Variants in TBC1D5 observed in about 807,000 individuals in gnomAD.
TBC1D5 encodes the protein TBC1 domain family member 5.
Under a neutral mutation model 100.3 loss-of-function variants are expected in TBC1D5, and 75 were observed. That is an observed-to-expected ratio of 0.75 (90% CI 0.62 to 0.91). The LOEUF is 0.91. TBC1D5 is among the 40% of genes least tolerant of loss of function. The pLI is 0.00. For synonymous variants in TBC1D5, 323 were observed against 325.6 expected (o/e 0.99, Z 0.09); for missense variants, 910 against 942.4 (o/e 0.97, Z 0.45).
intron 15 of TBC1D5, among the ~76,000 whole-genome samples, chr3:17,268,718 A>G (rs537476566): frequency 4.6e-5 from 7 of 152,264 alleles, no homozygotes; most frequent in Admixed American, 1.3e-4. Flanking sequence ...TGAAGAAAAT[A>G]TAAATTTCAG....
At chr3:17,435,049 A>T (rs181188227) in intron 3 of TBC1D5, among the ~76,000 whole-genome samples, 25 of 152,318 alleles carry the variant, frequency 1.6e-4, no homozygotes, top group Admixed American at 5.9e-4. Context: ...CATCTGAGAC[A>T]ACCTCAGCCT....
chr3:17,563,888 T>G (rs1461396652), intron 2 of TBC1D5, among the ~76,000 whole-genome samples: 2 of 152,096 alleles, frequency 1.3e-5, no homozygotes, highest in East Asian at 3.9e-4. Flanking sequence ...CTTCACGCCA[T>G]TCTCCTGCCT....
At chr3:17,711,113 T>TA (rs1396396524) in intron 1 of TBC1D5, among the ~76,000 whole-genome samples, 4 of 152,186 alleles carry the variant, frequency 2.6e-5, no homozygotes, top group Non-Finnish European at 5.9e-5. Flanking sequence ...AAAATGATAC[T>TA]AGAGTTTGGC....
chr3:17,679,329 T>G (rs570946750), intron 1 of TBC1D5, among the ~76,000 whole-genome samples: 7 of 151,602 alleles, frequency 4.6e-5, no homozygotes, highest in Non-Finnish European at 8.8e-5. Flanking sequence ...TATAATAGAT[T>G]ATTGGAAACA....
intron 1 of TBC1D5, among the ~76,000 whole-genome samples, chr3:17,639,765 A>C (rs536691481): frequency 6.6e-6 from 1 of 152,118 alleles, no homozygotes; most frequent in Non-Finnish European, 1.5e-5. Context: ...AGACTACATC[A>C]AATCCTAGAC....
At chr3:17,600,263 T>C (rs1038165886) in intron 2 of TBC1D5, among the ~76,000 whole-genome samples, 1 of 152,148 alleles carries the variant, frequency 6.6e-6, no homozygotes, top group South Asian at 2.1e-4. Context: ...AGGTGATAGG[T>C]GTATATAAAC....
chr3:17,728,488 T>C (rs186913477), intron 1 of TBC1D5, among the ~76,000 whole-genome samples: 164 of 152,300 alleles, frequency 1.1e-3, no homozygotes, highest in Non-Finnish European at 1.7e-3. Context: ...GATATTATAA[T>C]GTACTAAGAG....
Position 17,210,190 on chromosome 3 carries a change from CTT to C in TBC1D5, c.1752+4015_1752+4016del, listed in dbSNP as rs756903375. ...GGTTAGAAGTAATTTTTTTTCAGAA[CTT>C]TTTTTTTTTTTTTGAGACGGATTCT... On this transcript the variant is annotated intron_variant, in intron 18 of 21. Transcript: ENST00000253692. Among the ~76,000 whole-genome samples the C allele has an allele frequency of 9.5e-3, 1,394 of 146,944 alleles. 22 individuals carry two copies. The highest frequency in any genetic ancestry group is 0.032 in the African/African-American group (1,302 of 40,278).
At chr3:17,221,430 C>G (rs1257355469) in intron 17 of TBC1D5, among the ~76,000 whole-genome samples, 1 of 152,110 alleles carries the variant, frequency 6.6e-6, no homozygotes, top group African/African-American at 2.4e-5. Context: ...TGCTATCCCT[C>G]CCCTCTCCCA....
intron 4 of TBC1D5, among the ~76,000 whole-genome samples, chr3:17,417,269 C>A (rs1384198222): frequency 6.6e-6 from 1 of 151,652 alleles, no homozygotes; most frequent in East Asian, 1.9e-4. Flanking sequence ...TATACATGTG[C>A]CATGCTGGTG....
At chr3:17,289,582 C>T (rs969275163) in intron 15 of TBC1D5, among the ~76,000 whole-genome samples, 9 of 150,738 alleles carry the variant, frequency 6.0e-5, no homozygotes, top group Non-Finnish European at 8.9e-5. Flanking sequence ...TGCAGTGAGC[C>T]GAGACCACAC....
chr3:17,598,272 T>C (rs2060706081), intron 2 of TBC1D5, among the ~76,000 whole-genome samples: 2 of 152,222 alleles, frequency 1.3e-5, no homozygotes, highest in Admixed American at 1.3e-4. Flanking sequence ...TTTTCAAAAC[T>C]GACTTCTTCA....
chr3:17,472,405 G>A (rs1431700491), intron 3 of TBC1D5, among the ~76,000 whole-genome samples: 7 of 151,928 alleles, frequency 4.6e-5, no homozygotes, highest in African/African-American at 7.3e-5. Context: ...CCCAAAGTGC[G>A]CGAGTCACTG....
chr3:17,231,569 T>C (rs568773493), intron 17 of TBC1D5, among the ~76,000 whole-genome samples: 1 of 152,302 alleles, frequency 6.6e-6, no homozygotes, highest in African/African-American at 2.4e-5. Context: ...ATTTACTTCA[T>C]TGCTTTGAAA....
rs35808278 is a variant in TBC1D5 at position 17,294,195 on chromosome 3, C to CATTTATTTATTT, written c.1139-2206_1139-2195dup. Among the ~76,000 whole-genome samples the CATTTATTTATTT allele has an allele frequency of 6.5e-4, 98 of 150,592 alleles. 1 individual carries two copies. The highest frequency in any genetic ancestry group is 9.3e-4 in the African/African-American group (38 of 40,994). On this transcript the variant is annotated intron_variant, in intron 14 of 21. Transcript: ENST00000253692. ...AGAAAAGCTTGATTGATTGACTAAT[C>CATTTATTTATTT]ATTTATTTATTTATTTATTTATTTA...
Position 17,701,005 on chromosome 3 carries a change from A to G in TBC1D5, c.-101+38338T>C, listed in dbSNP as rs146195995. On this transcript the variant is annotated intron_variant, in intron 1 of 21. Transcript: ENST00000253692. The stretch of plus-strand genomic sequence containing the variant: ...GTATATACCCAAAGGATTATAAATC[A>G]TGCTACTATAAAGACACATGCATAC... 1.6e-3 allele frequency among the ~76,000 whole-genome samples: 237 copies of G among 152,328 alleles called. 6 individuals carry two copies. The East Asian group carries it at 0.04, about 26-fold the overall frequency.
chr3:17,339,197 C>G (rs1308463679), intron 13 of TBC1D5, among the ~76,000 whole-genome samples: 1 of 152,172 alleles, frequency 6.6e-6, no homozygotes, highest in African/African-American at 2.4e-5. Flanking sequence ...TCATGGCACA[C>G]TATGAAAACT....
chr3:17,578,119 A>G (rs1219117476), intron 2 of TBC1D5, among the ~76,000 whole-genome samples: 1 of 152,026 alleles, frequency 6.6e-6, no homozygotes, highest in Non-Finnish European at 1.5e-5. Flanking sequence ...CTTTTTTTAC[A>G]TTTGACTATA....
intron 3 of TBC1D5, among the ~76,000 whole-genome samples, chr3:17,449,966 A>C (rs1408395288): frequency 6.6e-6 from 1 of 152,104 alleles, no homozygotes; most frequent in Non-Finnish European, 1.5e-5. Flanking sequence ...ATCGGCAGAC[A>C]CCTCATATAG....
Sources: gnomAD v4.1 joint callset for allele counts (sites outside exome capture counted in the v4.1 genomes callset) on GRCh38, gnomAD v4.1.1 for gene constraint, MANE v1.5 for transcripts, NCBI Gene and HGNC (gene_info 2026-07-23, HGNC 2026-07-21) for gene names.